ATP8A2: variants seen among roughly 807,000 people sequenced by gnomAD.
ATP8A2 encodes phospholipid-transporting ATPase IB.
In ATP8A2, 100 loss-of-function variants were observed where a neutral mutation model predicts 165.6. That is an observed-to-expected ratio of 0.60 (90% confidence interval 0.51 to 0.71). The LOEUF (loss-of-function observed/expected upper bound fraction) is 0.71, where lower values mean the gene tolerates loss of function less well. ATP8A2 is among the 30% of genes least tolerant of loss of function. ATP8A2 has a pLI of 0.00. For missense variants in ATP8A2, 1,227 were observed against 1,479.5 expected (o/e 0.83, Z 2.80); for synonymous variants, 543 against 548.8 (o/e 0.99, Z 0.15).
At chr13:25,432,054 C>T (rs1411775584) in intron 1 of ATP8A2, among the ~76,000 whole-genome samples, 1 of 152,180 alleles carries the variant, frequency 6.6e-6, no homozygotes, top group Non-Finnish European at 1.5e-5. Flanking sequence ...TGTGTAGTAG[C>T]TTGAATTAGA....
At chr13:25,813,303 A>G (rs1272128430) in intron 27 of ATP8A2, among the ~76,000 whole-genome samples, 1 of 149,434 alleles carries the variant, frequency 6.7e-6, no homozygotes, top group Non-Finnish European at 1.5e-5. Flanking sequence ...ACTCCAGAGT[A>G]AGGTCTTCAG....
intron 33 of ATP8A2, among the ~76,000 whole-genome samples, chr13:25,942,761 A>G (rs1170152249): frequency 6.6e-6 from 1 of 152,140 alleles, no homozygotes; most frequent in African/African-American, 2.4e-5. Flanking sequence ...TGCTGTTTGT[A>G]TGTTCTCTAA....
intron 33 of ATP8A2, chr13:25,868,186 A>C (rs1380190726): frequency 1.1e-5 from 5 of 453,720 alleles, no homozygotes; most frequent in Non-Finnish European, 1.8e-5. Context: ...TAGCATATTT[A>C]AACTGTTTTA....
intron 33 of ATP8A2, among the ~76,000 whole-genome samples, chr13:25,869,322 G>A (rs1412088526): frequency 6.6e-6 from 1 of 151,778 alleles, no homozygotes; most frequent in Non-Finnish European, 1.5e-5. Flanking sequence ...TAAGTTGGAA[G>A]CTCCTTAAAG....
chr13:25,680,211 C>A (rs2042455980), intron 24 of ATP8A2, among the ~76,000 whole-genome samples: 1 of 152,084 alleles, frequency 6.6e-6, no homozygotes, highest in Admixed American at 6.6e-5. Flanking sequence ...AGAATCATGG[C>A]AGCTTAGTTA....
intron 1 of ATP8A2, among the ~76,000 whole-genome samples, chr13:25,386,041 A>G (rs756768102): frequency 9.9e-5 from 15 of 151,290 alleles, no homozygotes; most frequent in Non-Finnish European, 1.6e-4. Context: ...TCAGGCTCCC[A>G]AGTAGCTGGG....
chr13:25,838,035 T>C lies in ATP8A2; in HGVS notation c.2877+750T>C, dbSNP rs116774584. ...TGTGCCTGGGCACAGAGGGGCGAGA[T>C]GTGAGCATGGCTGCACGGCCTTGTT... is the stretch of plus-strand genomic sequence containing the variant. On this transcript the variant is annotated intron_variant, in intron 29 of 36. Transcript: ENST00000381655. Among the ~76,000 whole-genome samples the C allele has an allele frequency of 3.4e-3, 525 of 152,300 alleles. 1 individual carries two copies. The highest frequency in any genetic ancestry group is 0.012 in the African/African-American group (492 of 41,568).
intron 1 of ATP8A2, among the ~76,000 whole-genome samples, chr13:25,452,275 C>T (rs1245893382): frequency 6.6e-6 from 1 of 152,216 alleles, no homozygotes; most frequent in African/African-American, 2.4e-5. Context: ...ACCCACATTC[C>T]CCTCTGGCAT....
intron 4 of ATP8A2, among the ~76,000 whole-genome samples, chr13:25,531,410 TTATATATATGA>T (rs1411088533): frequency 0.11 from 6,516 of 58,176 alleles, 456 homozygotes; most frequent in South Asian, 0.2. Context: ...ATATATATGA[TTATATATATGA>T]TATATATATG....
chr13:25,674,086 A>G (rs2042321551), intron 24 of ATP8A2, among the ~76,000 whole-genome samples: 2 of 152,194 alleles, frequency 1.3e-5, no homozygotes, highest in Admixed American at 6.5e-5. Context: ...GGGAAGGTCT[A>G]GGAAATATTG....
Position 26,019,660 on chromosome 13 carries a change from C to T in ATP8A2, c.3470-228C>T, listed in dbSNP as rs543760786. 4.0e-3 allele frequency among the ~76,000 whole-genome samples: 610 copies of T among 152,304 alleles called. 4 individuals are homozygous for T. Among genetic ancestry groups the T allele is most frequent in the African/African-American group, 0.014 (582 of 41,556 alleles). ...AACCTACCCTCAGAGGCTTTCCCTT[C>T]CCAGCATCAGCAGCTAGAACCATGG... On this transcript the variant is annotated intron_variant, in intron 36 of 36. Transcript: ENST00000381655.
At chr13:25,447,018 G>C (rs2035088348) in intron 1 of ATP8A2, among the ~76,000 whole-genome samples, 1 of 152,016 alleles carries the variant, frequency 6.6e-6, no homozygotes, top group Admixed American at 6.6e-5. Flanking sequence ...ACCACACCTG[G>C]CCTTAAACCT....
At chr13:25,439,646 C>T (rs2034876737) in intron 1 of ATP8A2, among the ~76,000 whole-genome samples, 1 of 152,166 alleles carries the variant, frequency 6.6e-6, no homozygotes, top group South Asian at 2.1e-4. Flanking sequence ...CACAGCAGCT[C>T]ATGCCTGTAA....
chr13:25,881,051 A>G (rs1018833384), intron 33 of ATP8A2: 3 of 343,464 alleles, frequency 8.7e-6, no homozygotes, highest in Non-Finnish European at 1.8e-5. Flanking sequence ...GAGGTATTAC[A>G]TGTATTCGTA....
At chr13:25,532,230 G>A in intron 4 of ATP8A2, 42 bp from the exon 5 acceptor site, 1 of 1,504,834 alleles carries the variant, frequency 6.6e-7, no homozygotes, top group Non-Finnish European at 9.2e-7. Context: ...TATTCATGTG[G>A]AACTTTTGAA....
At chr13:25,760,996 G>T (rs981588399) in intron 25 of ATP8A2, among the ~76,000 whole-genome samples, 8 of 152,112 alleles carry the variant, frequency 5.3e-5, no homozygotes, top group African/African-American at 1.9e-4. Context: ...AATTACCATG[G>T]AATTGCAGCA....
intron 24 of ATP8A2, among the ~76,000 whole-genome samples, chr13:25,659,744 A>C (rs934236278): frequency 6.6e-6 from 1 of 152,216 alleles, no homozygotes; most frequent in African/African-American, 2.4e-5. Context: ...AGGCACTGCT[A>C]TCTGTCTTTG....
chr13:25,811,080 G>T (rs1217636950), intron 27 of ATP8A2, among the ~76,000 whole-genome samples: 2 of 150,656 alleles, frequency 1.3e-5, no homozygotes, highest in Non-Finnish European at 1.5e-5. Context: ...AAAAAAAAAT[G>T]TCCATGACTA....
At chr13:25,973,895 C>T (rs1955968213) in intron 35 of ATP8A2, among the ~76,000 whole-genome samples, 1 of 152,216 alleles carries the variant, frequency 6.6e-6, no homozygotes, top group South Asian at 2.1e-4. Context: ...TTGCTTTTGT[C>T]CCACCTCTCC....
Sources: gnomAD v4.1 joint callset for allele counts (sites outside exome capture counted in the v4.1 genomes callset) on GRCh38, gnomAD v4.1.1 for gene constraint, MANE v1.5 for transcripts, NCBI Gene and HGNC (gene_info 2026-07-23, HGNC 2026-07-21) for gene names.